Variants in NFKBIB observed in about 807,000 individuals in gnomAD.
NFKBIB encodes NFKB inhibitor beta, also known as NF-kappa-B inhibitor beta.
NFKBIB carries 16 observed loss-of-function variants against 32.1 expected under a neutral mutation model. That is an observed-to-expected ratio of 0.50 (90% CI 0.34 to 0.76). NFKBIB has a LOEUF of 0.76. NFKBIB is among the 30% of genes least tolerant of loss of function. NFKBIB has a pLI of 0.01. For synonymous variants in NFKBIB, 222 were observed against 219.5 expected, an observed-to-expected ratio of 1.01 and a Z score of -0.10; for missense variants, 437 against 514.9, an observed-to-expected ratio of 0.85 and a Z score of 1.46.
chr19:38,906,395 C>T (rs893622331), intron 3 of NFKBIB, among the ~76,000 whole-genome samples: 29 of 151,752 alleles, frequency 1.9e-4, no homozygotes, highest in South Asian at 4.2e-4. Flanking sequence ...GTGATCTGCC[C>T]GCCATGGCCT....
intron 1 of NFKBIB, among the ~76,000 whole-genome samples, chr19:38,904,266 G>T (rs1429754171): frequency 6.6e-6 from 1 of 152,194 alleles, no homozygotes; most frequent in Admixed American, 6.5e-5. Flanking sequence ...ACCTTCCTGA[G>T]TATCCCACCC....
Position 38,900,146 on chromosome 19 carries a change from G to A in NFKBIB, c.114G>A (p.Ala38=). 6.3e-7 allele frequency: 1 copy of A among 1,598,312 alleles called. No homozygotes were observed. Among genetic ancestry groups the A allele is most frequent in the Non-Finnish European group, 8.5e-7 (1 of 1,174,826 alleles). ...CCCCCGGAGGACCTGGGTTGGGCGCGGAGTTGGGCCCGGGGCTGTCGTGGG... is the reference window on the plus strand; with the variant it reads ...CCCCCGGAGGACCTGGGTTGGGCGCAGAGTTGGGCCCGGGGCTGTCGTGGG... ...AAAPGGPGLG[A]ELGPGLSWAP... is the part of the protein sequence containing the mutation. The change falls in exon 1 of 6, where the codon GCG becomes GCA. Residue 38 remains alanine, a synonymous_variant. Coordinates refer to ENST00000313582, the MANE Select transcript of NFKBIB (RefSeq NM_002503.5).
chr19:38,907,014 A>G (rs1438209083), intron 3 of NFKBIB, among the ~76,000 whole-genome samples: 2 of 152,114 alleles, frequency 1.3e-5, no homozygotes, highest in Non-Finnish European at 2.9e-5. Context: ...GCTTCAAACA[A>G]CTCAGGCACT....
upstream of NFKBIB, chr19:38,899,867 G>A (rs1271791120): frequency 1.3e-6 from 1 of 762,772 alleles, no homozygotes; most frequent in African/African-American, 1.8e-5. Flanking sequence ...TACTCTGATT[G>A]GTCAGGATGC....
At chr19:38,906,483 T>C (rs1974124717) in intron 3 of NFKBIB, among the ~76,000 whole-genome samples, 1 of 144,232 alleles carries the variant, frequency 6.9e-6, no homozygotes, top group Admixed American at 7.0e-5. Context: ...TTTTTTTTTT[T>C]TTTTGACATG....
intron 1 of NFKBIB, among the ~76,000 whole-genome samples, chr19:38,904,300 C>T (rs1347896265): frequency 6.6e-6 from 1 of 152,100 alleles, no homozygotes; most frequent in East Asian, 1.9e-4. Flanking sequence ...GATGTTTTTC[C>T]AGCCTGGCTG....
chr19:38,904,900 G>A (rs1974067411), intron 1 of NFKBIB, 115 bp from the exon 2 acceptor site: 6 of 878,222 alleles, frequency 6.8e-6, no homozygotes, highest in Admixed American at 2.3e-5. Flanking sequence ...AGCTGACAGG[G>A]GGTTCCAGAA....
intron 5 of NFKBIB, 173 bp from the exon 6 acceptor site, chr19:38,908,558 A>AT: frequency 5.4e-6 from 7 of 1,293,634 alleles, no homozygotes; most frequent in Admixed American, 4.0e-5. Flanking sequence ...AAAAAAAAAA[A>AT]GAAAGAAAAG....
intron 1 of NFKBIB, among the ~76,000 whole-genome samples, chr19:38,902,231 C>G (rs573152806): frequency 1.3e-5 from 2 of 152,048 alleles, no homozygotes; most frequent in Non-Finnish European, 1.5e-5. Context: ...CAGGCACCTG[C>G]CACTTCGCCT....
chr19:38,902,769 C>T (rs1277834040), intron 1 of NFKBIB, among the ~76,000 whole-genome samples: 2 of 152,270 alleles, frequency 1.3e-5, no homozygotes, highest in African/African-American at 2.4e-5. Flanking sequence ...ACAGCAGAGT[C>T]GAGTAGTCAA....
chr19:38,900,569 G>C (rs770281442), intron 1 of NFKBIB, among the ~76,000 whole-genome samples: 1 of 152,046 alleles, frequency 6.6e-6, no homozygotes, highest in Admixed American at 6.5e-5. Flanking sequence ...TTCCCGATTT[G>C]AGCCCTAGAG....
At chr19:38,899,954 A>T, upstream of NFKBIB, 1 of 1,385,626 alleles carries the variant, frequency 7.2e-7, no homozygotes, top group African/African-American at 1.5e-5. Context: ...AATTTCCCGC[A>T]GGGCGGAAGC....
Position 38,905,666 on chromosome 19 carries a change from G to C in NFKBIB, c.619+131G>C. ...CCTAGGCTTCAGGAGCCCACACATC[G>C]GGACCAGGGACCTCCACTCAGGGCC... is the stretch of plus-strand genomic sequence containing the variant. On this transcript the variant is annotated intron_variant, in intron 3 of 5. Transcript: ENST00000313582. The surrounding 1 kb of genome is among the most constrained non-coding windows in gnomAD (Gnocchi z 5.5). The C allele has an allele frequency of 3.0e-6, 2 of 674,344 alleles. No individual in the cohort carries two copies. The highest frequency in any genetic ancestry group is 2.5e-6 in the Non-Finnish European group (1 of 404,060). The allele number at this position is 674,344 out of a possible 1,614,324, so 41.8% of individuals were successfully genotyped here.
At chr19:38,903,556 A>G (rs1030312844) in intron 1 of NFKBIB, among the ~76,000 whole-genome samples, 1 of 151,930 alleles carries the variant, frequency 6.6e-6, no homozygotes, top group African/African-American at 2.4e-5. Context: ...CCAAAGTGCC[A>G]GGATTACAGG....
chr19:38,899,721 C>T, upstream of NFKBIB: 1 of 780,150 alleles, frequency 1.3e-6, no homozygotes, highest in East Asian at 2.7e-5. Context: ...TCGTACAACA[C>T]CCAGAGCGCC....
At chr19:38,901,680 C>T (rs1197349156) in intron 1 of NFKBIB, among the ~76,000 whole-genome samples, 2 of 152,050 alleles carry the variant, frequency 1.3e-5, no homozygotes, top group Non-Finnish European at 2.9e-5. Context: ...TTAGTAGCAA[C>T]AGCAGTTTCA....
At chr19:38,906,711 C>T (rs1447613607) in intron 3 of NFKBIB, among the ~76,000 whole-genome samples, 5 of 148,752 alleles carry the variant, frequency 3.4e-5, no homozygotes, top group Middle Eastern at 3.9e-3. Context: ...CCTCGTGATC[C>T]ACCCGCCTCA....
In NFKBIB at chr19:38,905,460, G is replaced by A. The variant is rs201794306; in HGVS notation, c.544G>A (p.Asp182Asn). 28 of 1,613,964 alleles carry A rather than the reference G, an allele frequency of 1.7e-5. No individual in the cohort carries two copies. The East Asian group carries it at 5.1e-4, about 30-fold the overall frequency. The change falls in exon 3 of 6, where the codon GAT becomes AAT. Residue 182 changes from aspartate to asparagine, a missense_variant. By Grantham distance (23) the Asp-to-Asn change is conservative (BLOSUM62 1). Coordinates refer to ENST00000313582, the MANE Select transcript of NFKBIB (RefSeq NM_002503.5). This position sits in a 1 kb window ranked among gnomAD's most constrained non-coding sequence, Gnocchi z 5.5. ...TNHTPVALYP[D>N]SDLEKEEEES... ...CCATACCCCTGTCGCCTTGTACCCC[G>A]ATTCCGACTTGGAGAAGGAAGAAGA...
At position 38,907,017 on chromosome 19, in the gene NFKBIB, C is replaced by T. The variant is rs1216827791; in HGVS notation, c.620-204C>T. Among the ~76,000 whole-genome samples the T allele has an allele frequency of 2.0e-5, 3 of 152,340 alleles. 1 individual carries two copies. The highest frequency in any genetic ancestry group is 7.2e-5 in the African/African-American group (3 of 41,578). On this transcript the variant is annotated intron_variant, in intron 3 of 5. Coordinates refer to ENST00000313582, the MANE Select transcript of NFKBIB (RefSeq NM_002503.5). ...CGCGGGCCCCAGGCTTCAAACAACT[C>T]AGGCACTAGCACTTGCCAGCAAGCT...
Sources: allele counts gnomAD v4.1 joint callset (sites outside exome capture counted in the v4.1 genomes callset), GRCh38; gene constraint gnomAD v4.1.1; non-coding constraint Gnocchi (gnomAD v3.1); transcripts MANE v1.5; gene names NCBI Gene and HGNC (gene_info 2026-07-23, HGNC 2026-07-21).